EIF4E3: variants seen among roughly 807,000 people sequenced by gnomAD.
EIF4E3 encodes eukaryotic translation initiation factor 4E family member 3, also known as eukaryotic translation initiation factor 4E type 3.
Under a neutral mutation model 31.7 loss-of-function variants are expected in EIF4E3, and 26 were observed. The ratio of observed to expected loss-of-function variants is 0.82; its 90% CI spans 0.60 to 1.14. EIF4E3 has a LOEUF of 1.14. EIF4E3 is among the 50% of genes most tolerant of loss of function. EIF4E3 has a pLI of 0.00. For synonymous variants in EIF4E3, 128 were observed against 107.7 expected, an observed-to-expected ratio of 1.19 and a Z score of -1.17; for missense variants, 304 against 270.9, an observed-to-expected ratio of 1.12 and a Z score of -0.86.
the EIF4E3 span, among the ~76,000 whole-genome samples, chr3:71,662,625 G>A: frequency 2.0e-5 from 3 of 152,212 alleles, no homozygotes; most frequent in Non-Finnish European, 2.9e-5. Flanking sequence ...GAAGAAAGAA[G>A]GCATTTTAAT....
In EIF4E3 at chr3:71,677,902, G is replaced by A. The variant is rs997118489; in HGVS notation, c.*6780C>T. ...GAGAGTAATTGACTTATTCTAAAACGGAACCATTCTTAATAGAGGGTAAAG... is the reference window on the plus strand; with the variant it reads ...GAGAGTAATTGACTTATTCTAAAACAGAACCATTCTTAATAGAGGGTAAAG... On this transcript the variant is annotated 3_prime_UTR_variant, in exon 7 of 7. Coordinates refer to ENST00000425534, the MANE Select transcript of EIF4E3 (RefSeq NM_001134651.2). 2.0e-5 allele frequency: 3 copies of A among 152,046 alleles called. No individual in the cohort carries two copies. Among genetic ancestry groups the A allele is most frequent in the African/African-American group, 4.8e-5 (2 of 41,392 alleles). The allele number at this position is 152,046 out of a possible 1,614,324, so 9.4% of individuals were successfully genotyped here.
intron 1 of EIF4E3, among the ~76,000 whole-genome samples, chr3:71,713,369 T>G (rs2049411916): frequency 6.6e-6 from 1 of 152,216 alleles, no homozygotes; most frequent in Non-Finnish European, 1.5e-5. Context: ...CTTTTTTAAG[T>G]GGAGTTTTAC....
At chr3:71,660,707 C>G in the EIF4E3 span, among the ~76,000 whole-genome samples, 1 of 152,136 alleles carries the variant, frequency 6.6e-6, no homozygotes, top group African/African-American at 2.4e-5. Flanking sequence ...TTTTCAGTCT[C>G]TGTTGTAAAT....
At chr3:71,737,614 A>C (rs753514180) in intron 1 of EIF4E3, among the ~76,000 whole-genome samples, 1 of 152,142 alleles carries the variant, frequency 6.6e-6, no homozygotes, top group East Asian at 1.9e-4. Context: ...AAAAAGACAC[A>C]TTTTATACAG....
intron 2 of EIF4E3, among the ~76,000 whole-genome samples, chr3:71,701,907 C>A (rs1173096482): frequency 6.6e-6 from 1 of 152,124 alleles, no homozygotes; most frequent in Non-Finnish European, 1.5e-5. Flanking sequence ...AACAGTAGCT[C>A]CTCAAACACC....
chr3:71,697,979 G>A (rs926379660), intron 3 of EIF4E3, among the ~76,000 whole-genome samples: 1 of 152,142 alleles, frequency 6.6e-6, no homozygotes, highest in African/African-American at 2.4e-5. Context: ...GTCTTTTGAG[G>A]AACCTCCATA....
At chr3:71,660,509 G>C in the EIF4E3 span, among the ~76,000 whole-genome samples, 1 of 152,160 alleles carries the variant, frequency 6.6e-6, no homozygotes. Flanking sequence ...TGAATGGAGA[G>C]AGAGCGACAT....
chr3:71,750,856 C>G, intron 1 of EIF4E3, among the ~76,000 whole-genome samples: 1 of 151,904 alleles, frequency 6.6e-6, no homozygotes, highest in East Asian at 2.0e-4. Flanking sequence ...CTCCGCCTCC[C>G]GGGTTCATGC....
At chr3:71,671,347 G>C (rs868828478), downstream of EIF4E3, among the ~76,000 whole-genome samples, 1 of 152,058 alleles carries the variant, frequency 6.6e-6, no homozygotes, top group African/African-American at 2.4e-5. Flanking sequence ...GAGAGACCAG[G>C]GGCTTGGCTG....
the EIF4E3 span, among the ~76,000 whole-genome samples, chr3:71,670,314 T>G: frequency 0.018 from 2,777 of 152,294 alleles, 86 homozygotes; most frequent in African/African-American, 0.061. Context: ...TTGTACCACT[T>G]GAGATAAGGT....
chr3:71,695,177 G>A (rs983432646), intron 4 of EIF4E3, among the ~76,000 whole-genome samples: 1 of 152,106 alleles, frequency 6.6e-6, no homozygotes, highest in Non-Finnish European at 1.5e-5. Flanking sequence ...AGCTGTTACT[G>A]ATGAAGTTGA....
chr3:71,720,763 G>A (rs2049535994), intron 1 of EIF4E3, among the ~76,000 whole-genome samples: 1 of 152,190 alleles, frequency 6.6e-6, no homozygotes, highest in African/African-American at 2.4e-5. Flanking sequence ...AAGGGGCAGA[G>A]CTTGGGAGCA....
At chr3:71,737,327 C>T (rs1344158144) in intron 1 of EIF4E3, among the ~76,000 whole-genome samples, 2 of 152,186 alleles carry the variant, frequency 1.3e-5, no homozygotes, top group African/African-American at 4.8e-5. Flanking sequence ...AAACAGAGCA[C>T]TGTGGCAGAA....
chr3:71,748,417 A>C (rs2049894804), intron 1 of EIF4E3, among the ~76,000 whole-genome samples: 1 of 152,212 alleles, frequency 6.6e-6, no homozygotes, highest in African/African-American at 2.4e-5. Context: ...CCAGAAGAAC[A>C]AGGAAGAACT....
intron 1 of EIF4E3, among the ~76,000 whole-genome samples, chr3:71,748,407 C>G (rs1392543465): frequency 6.6e-6 from 1 of 151,970 alleles, no homozygotes; most frequent in South Asian, 2.1e-4. Flanking sequence ...ATTACATTGT[C>G]CAGAAGAACA....
chr3:71,705,634 G>A (rs2049281807), intron 2 of EIF4E3, among the ~76,000 whole-genome samples: 1 of 152,230 alleles, frequency 6.6e-6, no homozygotes, highest in Non-Finnish European at 1.5e-5. Context: ...TCGAGACAGA[G>A]TGCTGTACAG....
intron 1 of EIF4E3, among the ~76,000 whole-genome samples, chr3:71,747,166 T>A (rs145374800): frequency 1.6e-4 from 24 of 152,354 alleles, no homozygotes; most frequent in African/African-American, 4.8e-4. Context: ...GGCTAGGTCA[T>A]AAGGTAACTC....
intron 6 of EIF4E3, among the ~76,000 whole-genome samples, chr3:71,685,931 G>A (rs544185165): frequency 6.6e-6 from 1 of 152,304 alleles, no homozygotes; most frequent in South Asian, 2.1e-4. Flanking sequence ...TAGGGAGGCA[G>A]ATGGGCTGGC....
rs187754148 is a variant in EIF4E3, at chr3:71,682,267, G to T, written c.*2415C>A. ...AAGCAAGCTCTTTGGTTTCTGCATG[G>T]TTCTTTGCAGACTACAAGGCTGCCC... On this transcript the variant is annotated 3_prime_UTR_variant, in exon 7 of 7. Transcript: ENST00000425534. 2.6e-5 allele frequency: 4 copies of T among 152,284 alleles called. No homozygotes were observed. Among genetic ancestry groups the T allele is most frequent in the Non-Finnish European group, 5.9e-5 (4 of 68,022 alleles). 9.4% of individuals were successfully genotyped at this position (152,284 alleles called of 1,614,324 possible).
Sources: allele counts gnomAD v4.1 joint callset (sites outside exome capture counted in the v4.1 genomes callset), GRCh38; gene constraint gnomAD v4.1.1; transcripts MANE v1.5; gene names NCBI Gene and HGNC (gene_info 2026-07-23, HGNC 2026-07-21).